ERC1: variants seen among roughly 807,000 people sequenced by gnomAD.
ERC1 encodes the protein RAB6 interacting protein 2.
In ERC1, 56 loss-of-function variants were observed where a neutral mutation model predicts 132.0. The observed-to-expected ratio is 0.42, with a 90% confidence interval of 0.34 to 0.53. The LOEUF (loss-of-function observed/expected upper bound fraction) is 0.53. Ranked by LOEUF, ERC1 falls within the 20% of genes least tolerant of loss-of-function variation. ERC1 has a pLI of 0.03. For missense variants in ERC1, 1,202 were observed against 1,349.9 expected, an observed-to-expected ratio of 0.89 and a Z score of 1.72; for synonymous variants, 478 against 476.1, an observed-to-expected ratio of 1.00 and a Z score of -0.05.
chr12:1,211,918 T>A (rs555553216), intron 12 of ERC1, among the ~76,000 whole-genome samples: 1 of 152,146 alleles, frequency 6.6e-6, no homozygotes, highest in Non-Finnish European at 1.5e-5. Flanking sequence ...CACCACAGGC[T>A]CTTTACCTTA....
At chr12:1,071,448 A>G (rs1055094444) in intron 2 of ERC1, among the ~76,000 whole-genome samples, 6 of 152,126 alleles carry the variant, frequency 3.9e-5, no homozygotes, top group Non-Finnish European at 7.4e-5. Context: ...CTTATTGGTT[A>G]GTTAGTTCAA....
chr12:1,186,211 A>G (rs927753010), intron 11 of ERC1, among the ~76,000 whole-genome samples: 2 of 152,200 alleles, frequency 1.3e-5, no homozygotes, highest in African/African-American at 4.8e-5. Context: ...GGGACTAAAT[A>G]TGTTTTGTTG....
intron 16 of ERC1, among the ~76,000 whole-genome samples, chr12:1,374,824 ATTTTTT>A (rs5795968): frequency 0.11 from 13,483 of 124,720 alleles, 1,304 homozygotes; most frequent in African/African-American, 0.3. Flanking sequence ...ACAGGCTGGG[ATTTTTT>A]TTTTTTTTTT....
intron 15 of ERC1, among the ~76,000 whole-genome samples, chr12:1,310,326 C>T (rs2154349581): frequency 6.6e-6 from 1 of 152,152 alleles, no homozygotes; most frequent in Non-Finnish European, 1.5e-5. Flanking sequence ...TCTTCCTCAG[C>T]CTCCCAAGTA....
intron 16 of ERC1, chr12:1,386,787 G>A (rs928070754): frequency 2.6e-5 from 4 of 152,086 alleles, no homozygotes; most frequent in South Asian, 4.1e-4. Flanking sequence ...CTCACACTCC[G>A]TTTTCAGGTA....
At chr12:1,381,678 G>C (rs1474417314) in intron 16 of ERC1, among the ~76,000 whole-genome samples, 1 of 152,036 alleles carries the variant, frequency 6.6e-6, no homozygotes, top group African/African-American at 2.4e-5. Flanking sequence ...AGATTGTTTT[G>C]AAAGAAACTA....
chr12:1,144,001 G>C (rs959397243), intron 8 of ERC1, among the ~76,000 whole-genome samples: 1 of 151,918 alleles, frequency 6.6e-6, no homozygotes, highest in Non-Finnish European at 1.5e-5. Context: ...TTCCAAATAT[G>C]TAGTGTTATC....
intron 15 of ERC1, among the ~76,000 whole-genome samples, chr12:1,308,894 G>A (rs143618106): frequency 1.1e-4 from 16 of 152,288 alleles, no homozygotes; most frequent in Admixed American, 4.6e-4. Context: ...ATATTAGGAG[G>A]TGTGGAGCCT....
chr12:1,147,433 A>C (rs1473636010), intron 8 of ERC1, among the ~76,000 whole-genome samples: 1 of 152,136 alleles, frequency 6.6e-6, no homozygotes, highest in Admixed American at 6.5e-5. Context: ...AATATTTTCA[A>C]GTAATAGACT....
chr12:1,424,958 C>G (rs959021214), intron 17 of ERC1, among the ~76,000 whole-genome samples: 1 of 152,004 alleles, frequency 6.6e-6, no homozygotes, highest in African/African-American at 2.4e-5. Context: ...TAACGCATAG[C>G]CAGGGAGATG....
Position 1,358,447 on chromosome 12 carries a change from T to TA in ERC1, c.2781-13381dup, listed in dbSNP as rs545277717. Among the ~76,000 whole-genome samples, 8 of 152,294 alleles carry TA rather than the reference T, an allele frequency of 5.3e-5. No individual in the cohort carries two copies. The South Asian group carries it at 1.7e-3, about 32-fold the overall frequency. ...GGATTAGGAAAGTACATACAAATGC[T>TA]AAAAATCCAGTCTTGGCAAGGATGT... On this transcript the variant is annotated intron_variant, in intron 15 of 18. Coordinates refer to ENST00000360905, the MANE Select transcript of ERC1 (RefSeq NM_178040.4).
intron 5 of ERC1, 56 bp from the exon 6 acceptor site, chr12:1,112,159 C>T (rs1374986438): frequency 8.3e-7 from 1 of 1,203,162 alleles, no homozygotes; most frequent in Non-Finnish European, 1.2e-6. Context: ...CAAAAGTAGA[C>T]AAGAAGAAGA....
intron 8 of ERC1, 73 bp from the exon 9 acceptor site, chr12:1,180,467 A>G (rs1382666310): frequency 5.0e-6 from 7 of 1,407,530 alleles, no homozygotes; most frequent in Non-Finnish European, 6.9e-6. Flanking sequence ...TTTCAAATTG[A>G]AATGATTTTG....
chr12:1,351,729 G>A (rs2085018826), intron 15 of ERC1, among the ~76,000 whole-genome samples: 1 of 151,918 alleles, frequency 6.6e-6, no homozygotes, highest in Non-Finnish European at 1.5e-5. Context: ...GGGGTACATA[G>A]TGATGTTTTA....
chr12:1,164,292 TTGTTATTTTATTTTA>T (rs1193980419), intron 8 of ERC1, among the ~76,000 whole-genome samples: 102 of 147,574 alleles, frequency 6.9e-4, no homozygotes, highest in African/African-American at 2.5e-3. Flanking sequence ...TTATTTTATT[TTGTTATTTTATTTTA>T]TGTTATTTTA....
chr12:1,020,686 G>GT (rs1325400928), intron 1 of ERC1: 2 of 152,338 alleles, frequency 1.3e-5, no homozygotes, highest in East Asian at 3.9e-4. Flanking sequence ...GTAGTTTGAA[G>GT]TTTGAGTATC....
intron 1 of ERC1, among the ~76,000 whole-genome samples, chr12:1,011,369 A>C (rs1964656431): frequency 6.6e-6 from 1 of 151,962 alleles, no homozygotes; most frequent in Non-Finnish European, 1.5e-5. Context: ...ATGCCCGGCT[A>C]ATTAAAAAAA....
intron 2 of ERC1, among the ~76,000 whole-genome samples, chr12:1,076,588 T>C (rs1051824093): frequency 3.3e-5 from 5 of 152,054 alleles, no homozygotes; most frequent in Non-Finnish European, 4.4e-5. Flanking sequence ...AGAAACGGGG[T>C]TTCACCATGG....
At chr12:1,312,684 A>G (rs750645073) in intron 15 of ERC1, among the ~76,000 whole-genome samples, 67 of 152,156 alleles carry the variant, frequency 4.4e-4, no homozygotes, top group Non-Finnish European at 1.0e-4. Flanking sequence ...ACATATAGAC[A>G]TTTAATATAT....
Sources: allele counts gnomAD v4.1 joint callset (sites outside exome capture counted in the v4.1 genomes callset), GRCh38; gene constraint gnomAD v4.1.1; transcripts MANE v1.5; gene names NCBI Gene and HGNC (gene_info 2026-07-23, HGNC 2026-07-21).